The following MDGA2 variants were observed in gnomAD, a reference collection of about 807,000 sequenced individuals.
MDGA2 encodes the protein MAM domain containing glycosylphosphatidylinositol anchor 2.
Under a neutral mutation model 117.8 loss-of-function variants are expected in MDGA2, and 40 were observed. The ratio of observed to expected loss-of-function variants is 0.34; its 90% confidence interval spans 0.26 to 0.44. The LOEUF (loss-of-function observed/expected upper bound fraction) is 0.44, where lower values mean the gene tolerates loss of function less well. Among genes scored for constraint, MDGA2 ranks in the 20% least tolerant of loss-of-function variants. The pLI is 1.00. For missense variants in MDGA2, 1,123 were observed against 1,250.6 expected (o/e 0.90, Z 1.54); for synonymous variants, 452 against 439.0 (o/e 1.03, Z -0.37).
rs748830079 is a variant in MDGA2, at chr14:47,042,312, G to GTTTT, written c.1526-7012_1526-7009dup. Reference sequence around the variant, plus strand: ...AATAATCCAAATGAACCAAATCTATGTTTTTTTTTTTTTTTTGTGTGTGTG... The same window carrying GTTTT: ...AATAATCCAAATGAACCAAATCTATGTTTTTTTTTTTTTTTTTTTTGTGTGTGTG... On this transcript the variant is annotated intron_variant, in intron 7 of 16. Transcript: ENST00000399232. Among the ~76,000 whole-genome samples the GTTTT allele has an allele frequency of 4.2e-4, 54 of 129,944 alleles. 1 individual carries two copies. The highest frequency in any genetic ancestry group is 1.0e-3 in the South Asian group (4 of 3,944). The allele number at this position is 129,944 out of a possible 152,430, so 85.2% of individuals were successfully genotyped here.
At chr14:47,042,323 T>G (rs2416014) in intron 7 of MDGA2, among the ~76,000 whole-genome samples, 49,557 of 132,436 alleles carry the variant, frequency 0.37, 8,220 homozygotes, top group East Asian at 0.47. Context: ...TTTTTTTTTT[T>G]TTTTTGTGTG....
chr14:47,237,932 C>T (rs1338566332), intron 2 of MDGA2, among the ~76,000 whole-genome samples: 1 of 152,110 alleles, frequency 6.6e-6, no homozygotes, highest in Non-Finnish European at 1.5e-5. Flanking sequence ...CTGCTTAAAT[C>T]CTCTTTTGGC....
At position 46,855,477 on chromosome 14, in the gene MDGA2, AG is replaced by A. The variant is rs1471804098; in HGVS notation, c.2753-324del. Among the ~76,000 whole-genome samples the A allele has an allele frequency of 6.6e-6, 1 of 152,158 alleles. No homozygotes were observed. The highest frequency in any genetic ancestry group is 1.5e-5 in the Non-Finnish European group (1 of 68,018). ...ACATATAGCTTTATAAAACAGAGGC[AG>A]AGGGAGATTTGATACAGGAAAGAAG... On this transcript the variant is annotated intron_variant, in intron 14 of 16. Coordinates refer to ENST00000399232, the MANE Select transcript of MDGA2 (RefSeq NM_001113498.3). The surrounding 1 kb of genome is among the most constrained non-coding windows in gnomAD (Gnocchi z 4.1).
chr14:46,929,601 GTATATATATATATATATA>G lies in MDGA2; in HGVS notation c.2090-9459_2090-9442del, dbSNP rs756528353. Among the ~76,000 whole-genome samples the G allele has an allele frequency of 2.0e-3, 25 of 12,680 alleles. 2 individuals are homozygous for G. The highest frequency in any genetic ancestry group is 4.3e-3 in the East Asian group (2 of 466). 8.3% of individuals were successfully genotyped at this position (12,680 alleles called of 152,430 possible). ...TATACGTGTGTGTGTGTGTGTGTGT[GTATATATATATATATATA>G]TATATATATATATATATATATATAT... On this transcript the variant is annotated intron_variant, in intron 9 of 16. Coordinates refer to ENST00000399232, the MANE Select transcript of MDGA2 (RefSeq NM_001113498.3).
At chr14:46,920,489 G>T (rs1296265304) in intron 9 of MDGA2, among the ~76,000 whole-genome samples, 1 of 152,156 alleles carries the variant, frequency 6.6e-6, no homozygotes, top group Non-Finnish European at 1.5e-5. Context: ...GATCTAAATG[G>T]ATACACCAAG....
intron 1 of MDGA2, among the ~76,000 whole-genome samples, chr14:47,629,049 G>A (rs1897205992): frequency 6.6e-6 from 1 of 152,106 alleles, no homozygotes; most frequent in Non-Finnish European, 1.5e-5. Flanking sequence ...CACTTCTCTT[G>A]ATTCTAATAA....
chr14:46,888,775 C>A (rs564027599), intron 10 of MDGA2, among the ~76,000 whole-genome samples: 2 of 150,524 alleles, frequency 1.3e-5, no homozygotes, highest in East Asian at 1.9e-4. Context: ...TTGAAAAGTA[C>A]CAGGTAAGTA....
intron 8 of MDGA2, among the ~76,000 whole-genome samples, chr14:46,990,331 T>C (rs1887039145): frequency 6.6e-6 from 1 of 152,086 alleles, no homozygotes; most frequent in Admixed American, 6.6e-5. Flanking sequence ...ATTCAAGTAC[T>C]CATTTAGTAT....
intron 3 of MDGA2, among the ~76,000 whole-genome samples, chr14:47,147,859 C>T (rs1368643788): frequency 6.6e-6 from 1 of 152,104 alleles, no homozygotes; most frequent in East Asian, 1.9e-4. Flanking sequence ...TTCCTCTCAC[C>T]CTGCGCTAGT....
At chr14:47,570,879 G>A (rs541863831) in intron 1 of MDGA2, among the ~76,000 whole-genome samples, 212 of 152,170 alleles carry the variant, frequency 1.4e-3, no homozygotes, top group Non-Finnish European at 2.5e-3. Context: ...CAAAAGCAAT[G>A]GGAACAAAAG....
intron 2 of MDGA2, among the ~76,000 whole-genome samples, chr14:47,292,444 C>T (rs1466484573): frequency 1.3e-5 from 2 of 152,060 alleles, no homozygotes; most frequent in Non-Finnish European, 2.9e-5. Flanking sequence ...ATCCACTTAC[C>T]CAGGCTAGAA....
intron 7 of MDGA2, among the ~76,000 whole-genome samples, chr14:47,053,989 G>A (rs1434035600): frequency 6.6e-6 from 1 of 151,772 alleles, no homozygotes; most frequent in Non-Finnish European, 1.5e-5. Flanking sequence ...ATTTGGGCCT[G>A]GACTCTGCAC....
intron 5 of MDGA2, among the ~76,000 whole-genome samples, chr14:47,105,461 T>G (rs1245311834): frequency 6.6e-6 from 1 of 151,486 alleles, no homozygotes; most frequent in Non-Finnish European, 1.5e-5. Flanking sequence ...CTCCTTCTTC[T>G]CCCTTAGCCT....
chr14:47,622,208 G>A (rs1040849500), intron 1 of MDGA2, among the ~76,000 whole-genome samples: 7 of 152,160 alleles, frequency 4.6e-5, no homozygotes, highest in African/African-American at 1.7e-4. Flanking sequence ...GTAACCTGAA[G>A]AGAGCCACAA....
At chr14:47,351,345 G>A (rs1890876966) in intron 1 of MDGA2, among the ~76,000 whole-genome samples, 1 of 152,098 alleles carries the variant, frequency 6.6e-6, no homozygotes, top group African/African-American at 2.4e-5. Flanking sequence ...GCCGCCCAAA[G>A]TGCTGGGATT....
chr14:47,295,048 T>C (rs934967901), intron 2 of MDGA2, among the ~76,000 whole-genome samples: 7 of 152,212 alleles, frequency 4.6e-5, no homozygotes, highest in African/African-American at 1.7e-4. Flanking sequence ...TAAGGTGTAA[T>C]AAACTACTAG....
chr14:47,221,467 T>A (rs1194205985), intron 2 of MDGA2, among the ~76,000 whole-genome samples: 3 of 152,126 alleles, frequency 2.0e-5, no homozygotes, highest in Non-Finnish European at 4.4e-5. Context: ...GGCAGGCGGA[T>A]CACGAGGTCA....
intron 2 of MDGA2, among the ~76,000 whole-genome samples, chr14:47,242,834 G>C (rs1475301848): frequency 1.3e-5 from 2 of 151,860 alleles, no homozygotes; most frequent in Non-Finnish European, 2.9e-5. Context: ...TGCTAGCGCA[G>C]GGCACAGGAC....
At chr14:47,308,675 A>C (rs1362743515) in intron 1 of MDGA2, among the ~76,000 whole-genome samples, 1 of 151,268 alleles carries the variant, frequency 6.6e-6, no homozygotes, top group African/African-American at 2.4e-5. Context: ...AAAAAAAAAA[A>C]CAGAGACAAA....
Sources: allele counts gnomAD v4.1 joint callset (sites outside exome capture counted in the v4.1 genomes callset), GRCh38; gene constraint gnomAD v4.1.1; non-coding constraint Gnocchi (gnomAD v3.1); transcripts MANE v1.5; gene names NCBI Gene and HGNC (gene_info 2026-07-23, HGNC 2026-07-21).